Variants in PIH1D1 observed in about 807,000 individuals in gnomAD.
PIH1D1 encodes the protein PIH1 domain-containing protein 1.
A neutral mutation model predicts 38.5 loss-of-function variants in PIH1D1; 28 were observed. The observed-to-expected ratio is 0.73, with a 90% CI of 0.54 to 1.00. The LOEUF (loss-of-function observed/expected upper bound fraction) is 1.00, where lower values mean the gene tolerates loss of function less well. Ranked by LOEUF, PIH1D1 falls within the 50% of genes least tolerant of loss-of-function variation. The pLI is 0.00. For missense variants in PIH1D1, 343 were observed against 369.9 expected (o/e 0.93, Z 0.60); for synonymous variants, 155 against 153.5 (o/e 1.01, Z -0.07).
At position 49,451,773 on chromosome 19, in the gene PIH1D1, T is replaced by G; in HGVS notation, c.-199A>C. ...GTCAAATCCGTGGGGAATATGTGTC[T>G]CTAGACGCACTACCCTCCGTCCTAC... On this transcript the variant is annotated 5_prime_UTR_variant, in exon 1 of 9. Transcript: ENST00000262265. The G allele has an allele frequency of 2.9e-6, 4 of 1,397,596 alleles. No individual in the cohort carries two copies. Among genetic ancestry groups the G allele is most frequent in the Non-Finnish European group, 3.7e-6 (4 of 1,073,584 alleles). 86.6% of individuals were successfully genotyped at this position (1,397,596 alleles called of 1,614,324 possible). A position where few individuals can be genotyped will look rare whatever the true frequency, so the allele number is the denominator to read the frequency against.
Position 49,446,633 on chromosome 19 carries a change from T to G in PIH1D1, c.749A>C (p.Gln250Pro). ...GENRLVMGGP[Q>P]QLYHLDAYIP... ...ATAAGCGTCTAGATGATACAGCTGCTGGGGGCCCCCCATCACCAGGCGGTT... is the reference window on the plus strand; with the variant it reads ...ATAAGCGTCTAGATGATACAGCTGCGGGGGGCCCCCCATCACCAGGCGGTT... Residue 250 changes from glutamine to proline, a missense_variant, in exon 8 of 9, where the codon CAG (glutamine) becomes CCG (proline). Physicochemically the swap from Gln to Pro is moderately conservative, Grantham distance 76. Transcript: ENST00000262265. 1.2e-6 allele frequency: 2 copies of G among 1,607,946 alleles called. No individual in the cohort carries two copies. Among genetic ancestry groups the G allele is most frequent in the Non-Finnish European group, 1.7e-6 (2 of 1,176,798 alleles).
intron 3 of PIH1D1, 124 bp from the exon 4 acceptor site, chr19:49,448,186 G>C (rs1244464255): frequency 1.0e-6 from 1 of 962,650 alleles, no homozygotes; most frequent in East Asian, 2.6e-5. Context: ...ACATAAGGAA[G>C]TGAGAGCTGG....
At position 49,449,613 on chromosome 19, in the gene PIH1D1, T is replaced by C. The variant is rs750383658; in HGVS notation, c.199A>G (p.Ile67Val). 8.7e-6 allele frequency: 14 copies of C among 1,614,030 alleles called. No homozygotes were observed. The highest frequency in any genetic ancestry group is 1.7e-5 in the Admixed American group (1 of 59,992). The change falls in exon 3 of 9, where the codon ATC (isoleucine) becomes GTC (valine). Residue 67 changes from isoleucine to valine, a missense_variant. By Grantham distance (29) the Ile-to-Val change is conservative. Coordinates refer to ENST00000262265, the MANE Select transcript of PIH1D1 (RefSeq NM_017916.3). ...ATAGAGGGGGAGTGGCAGATGTTGA[T>C]GAAAACCTTCCCTTCCGAGGAGTTG... The part of the protein sequence containing the change: ...KTNSSEGKVF[I>V]NICHSPSIPP...
chr19:49,449,701 C>T (rs1286280017), intron 2 of PIH1D1, 47 bp from the exon 3 acceptor site: 5 of 1,505,260 alleles, frequency 3.3e-6, no homozygotes, highest in Non-Finnish European at 4.6e-6. Context: ...GCACAAGTCC[C>T]AGTCCCCATC....
At position 49,447,988 on chromosome 19, in the gene PIH1D1, C is replaced by T. The variant is rs1046392766; in HGVS notation, c.399+13G>A. ...ACCCCTGCCCAGGCCTCAACCGCAG[C>T]CCCGCCCCCAACCTGCATCCTCCGG... On this transcript the variant is annotated intron_variant, in intron 4 of 8. Transcript: ENST00000262265. 2.0e-5 allele frequency: 32 copies of T among 1,614,040 alleles called. No individual in the cohort carries two copies. The highest frequency in any genetic ancestry group is 2.5e-5 in the Non-Finnish European group (30 of 1,180,002).
intron 2 of PIH1D1, among the ~76,000 whole-genome samples, chr19:49,449,937 G>A (rs10402472): frequency 0.7 from 105,238 of 150,916 alleles, 37,314 homozygotes; most frequent in Middle Eastern, 0.82. Flanking sequence ...TGGGATTATA[G>A]GCGCCCACCA....
chr19:49,449,091 C>G (rs570107636), intron 3 of PIH1D1: 1 of 354,836 alleles, frequency 2.8e-6, no homozygotes, highest in East Asian at 7.3e-5. Flanking sequence ...GCTTGGGAGC[C>G]TGAGACAGGA....
chr19:49,449,312 TG>T (rs1184496596), intron 3 of PIH1D1, 162 bp downstream of exon 3: 1 of 753,092 alleles, frequency 1.3e-6, no homozygotes, highest in Non-Finnish European at 2.3e-6. Context: ...TGCCCGGGTG[TG>T]GGATGTCCAG....
Position 49,447,050 on chromosome 19 carries a change from AGAG to A in PIH1D1, c.658_660del (p.Leu221del). 1 of 1,613,744 alleles carries A rather than the reference AGAG, an allele frequency of 6.2e-7. No homozygotes were observed. The highest frequency in any genetic ancestry group is 8.5e-7 in the Non-Finnish European group (1 of 1,179,864). On this transcript the variant is annotated inframe_deletion, in exon 7 of 9. Transcript: ENST00000262265. ...AGTTTGGGGAGGTCAACTTCGGCCA[AGAG>A]GAGGTCGGGGGCTTCCAGCCACAGG...
intron 1 of PIH1D1, 177 bp from the exon 2 acceptor site, chr19:49,451,025 CTTT>C (rs10616213): frequency 0.088 from 47,597 of 541,762 alleles, 50 homozygotes; most frequent in Middle Eastern, 0.14. Flanking sequence ...ATTCCCATTT[CTTT>C]TTTTTTTTTT....
chr19:49,446,397 C>A lies in PIH1D1; in HGVS notation c.858G>T (p.Leu286=). The A allele has an allele frequency of 1.2e-6, 1 of 863,410 alleles. No homozygotes were observed. The allele number at this position is 863,410 out of a possible 1,614,324, so 53.5% of individuals were successfully genotyped here. The change falls in exon 9 of 9, where the codon CTG becomes CTT. Residue 286 remains leucine, a synonymous_variant. Transcript: ENST00000262265. Reference sequence around the variant, plus strand: ...GACACCCTGATCAAGAAGGCACCGGCAGAAGCGGCATGGCCACCATTAATT... The same window carrying A: ...GACACCCTGATCAAGAAGGCACCGGAAGAAGCGGCATGGCCACCATTAATT... ...RKQLMVAMPL[L]PVPS
intron 1 of PIH1D1, 102 bp downstream of exon 1, chr19:49,451,383 C>T: frequency 1.3e-6 from 2 of 1,528,308 alleles, no homozygotes; most frequent in Non-Finnish European, 1.8e-6. Flanking sequence ...TTCCCCGAGG[C>T]CTGGTTCCCG....
intron 2 of PIH1D1, among the ~76,000 whole-genome samples, chr19:49,450,076 CCT>C (rs1468548534): frequency 1.3e-5 from 2 of 151,010 alleles, no homozygotes; most frequent in Non-Finnish European, 3.0e-5. Context: ...CTCCCGGCCC[CCT>C]CTCTTCTTTG....
At chr19:49,450,510 T>C (rs1443625041) in intron 2 of PIH1D1, among the ~76,000 whole-genome samples, 2 of 152,026 alleles carry the variant, frequency 1.3e-5, no homozygotes, top group Admixed American at 6.6e-5. Context: ...CTTCTGCCTC[T>C]TGGGTTCCAG....
At chr19:49,449,156 A>T in intron 3 of PIH1D1, 1 of 434,212 alleles carries the variant, frequency 2.3e-6, no homozygotes, top group Non-Finnish European at 4.3e-6. Flanking sequence ...AAAAAAAAAA[A>T]GAAAGAAAGA....
intron 7 of PIH1D1, 118 bp from the exon 8 acceptor site, chr19:49,446,812 G>C: frequency 1.7e-6 from 2 of 1,209,040 alleles, no homozygotes; most frequent in Non-Finnish European, 2.3e-6. Flanking sequence ...CCCAGGAAGA[G>C]ACAGAAGACA....
At chr19:49,450,697 C>T in intron 2 of PIH1D1, 85 bp downstream of exon 2, 1 of 898,886 alleles carries the variant, frequency 1.1e-6, no homozygotes, top group South Asian at 2.2e-5. Flanking sequence ...CACCCTAGGC[C>T]TTTATTTTCG....
intron 2 of PIH1D1, 90 bp downstream of exon 2, chr19:49,450,692 T>TC: frequency 9.3e-6 from 1 of 107,076 alleles, no homozygotes. Flanking sequence ...ACCCCCACCC[T>TC]AGGCCTTTAT....
intron 2 of PIH1D1, among the ~76,000 whole-genome samples, chr19:49,449,976 G>C (rs1233439285): frequency 6.6e-6 from 1 of 151,998 alleles, no homozygotes; most frequent in Non-Finnish European, 1.5e-5. Context: ...CGTATTTTTA[G>C]TAGAGATGGA....
Sources: gnomAD v4.1 joint callset for allele counts (sites outside exome capture counted in the v4.1 genomes callset) on GRCh38, gnomAD v4.1.1 for gene constraint, MANE v1.5 for transcripts, NCBI Gene and HGNC (gene_info 2026-07-23, HGNC 2026-07-21) for gene names.